Variants in RBBP5 observed in about 807,000 individuals in gnomAD.
RBBP5 encodes the protein RB binding protein 5, histone lysine methyltransferase complex subunit, also known as retinoblastoma-binding protein 5.
RBBP5 carries 5 observed loss-of-function variants against 72.2 expected under a neutral mutation model. The observed-to-expected ratio is 0.07, with a 90% confidence interval of 0.04 to 0.15. The LOEUF (loss-of-function observed/expected upper bound fraction) is 0.15, where lower values mean the gene tolerates loss of function less well. RBBP5 is among the 10% of genes least tolerant of loss of function. The probability of loss-of-function intolerance (pLI) is 1.00; values close to 1 mark genes in which losing one functional copy is unlikely to be tolerated. For synonymous variants in RBBP5, 209 were observed against 237.2 expected, an observed-to-expected ratio of 0.88 and a Z score of 1.09; for missense variants, 322 against 652.2, an observed-to-expected ratio of 0.49 and a Z score of 5.51.
chr1:205,113,841 T>C (rs989712070), intron 3 of RBBP5, among the ~76,000 whole-genome samples: 3 of 151,980 alleles, frequency 2.0e-5, no homozygotes, highest in Non-Finnish European at 4.4e-5. Context: ...CCCGCCAACA[T>C]GCCTGGCGAA....
chr1:205,105,290 G>A, intron 3 of RBBP5, 122 bp from the exon 4 acceptor site: 1 of 1,153,308 alleles, frequency 8.7e-7, no homozygotes, highest in South Asian at 1.6e-5. Flanking sequence ...TTTTGGTTTT[G>A]TTCCACGTAT....
At position 205,095,785 on chromosome 1, in the gene RBBP5, G is replaced by A. The variant is rs191188991; in HGVS notation, c.1397-721C>T. On this transcript the variant is annotated intron_variant, in intron 12 of 13. Coordinates refer to ENST00000264515, the MANE Select transcript of RBBP5 (RefSeq NM_005057.4). The stretch of plus-strand genomic sequence containing the variant: ...AGGTAAAACAACTTGCAGGGTTGAT[G>A]TAAAAGTCAGCAATGGTACATATAC... Among the ~76,000 whole-genome samples, 486 of 152,292 alleles carry A rather than the reference G, an allele frequency of 3.2e-3. 4 individuals carry two copies. Among genetic ancestry groups the A allele is most frequent in the Non-Finnish European group, 3.5e-3 (240 of 68,018 alleles).
At chr1:205,120,377 C>T (rs1409226667) in intron 1 of RBBP5, among the ~76,000 whole-genome samples, 3 of 152,152 alleles carry the variant, frequency 2.0e-5, no homozygotes, top group Non-Finnish European at 2.9e-5. Flanking sequence ...TAGATGGCAC[C>T]GATCCCATCC....
rs370574756 is a variant in RBBP5 at position 205,114,818 on chromosome 1, A to G, written c.189T>C (p.Ser63=). Reference sequence around the variant, plus strand: ...AAGAACACACTGGATGGATGTGTGCACTAATTATTTTAGCAATGCCTCTTG... The same window carrying G: ...AAGAACACACTGGATGGATGTGTGCGCTAATTATTTTAGCAATGCCTCTTG... ...FLTRGIAKII[S]AHIHPVCSLC... The change falls in exon 3 of 14, where the codon AGT becomes AGC. Residue 63 remains serine (S), a synonymous_variant. Transcript: ENST00000264515. 14 of 1,552,510 alleles carry G rather than the reference A, an allele frequency of 9.0e-6. No individual in the cohort carries two copies. In the African/African-American group the frequency reaches 1.9e-4, roughly 21 times the overall value.
intron 13 of RBBP5, among the ~76,000 whole-genome samples, chr1:205,093,527 TATATATACACACAC>T (rs1655478495): frequency 1.0e-4 from 1 of 9,826 alleles, no homozygotes; most frequent in African/African-American, 5.3e-4. Flanking sequence ...TATATATATA[TATATATACACACAC>T]ACACACACAC....
intron 1 of RBBP5, 186 bp from the exon 2 acceptor site, chr1:205,116,069 C>A: frequency 1.6e-6 from 2 of 1,215,958 alleles, no homozygotes; most frequent in Non-Finnish European, 2.3e-6. Context: ...CTCATTATCT[C>A]GGAAATATAC....
chr1:205,120,039 A>T (rs1385559461), intron 1 of RBBP5, among the ~76,000 whole-genome samples: 2 of 152,120 alleles, frequency 1.3e-5, no homozygotes, highest in Non-Finnish European at 2.9e-5. Flanking sequence ...CTTACACTTT[A>T]TCAACAGCAT....
Position 205,096,683 on chromosome 1 carries a change from A to G in RBBP5, c.1395T>C (p.Asp465=), listed in dbSNP as rs2102272214. 6.2e-7 allele frequency: 1 copy of G among 1,613,464 alleles called. No individual in the cohort carries two copies. Among genetic ancestry groups the G allele is most frequent in the South Asian group, 1.1e-5 (1 of 90,998 alleles). ...AGAGGGAGAAGATGTAGCTCTTACCATCATTTGGTACTCCTTGAAGTTCTA... is the reference window on the plus strand; with the variant it reads ...AGAGGGAGAAGATGTAGCTCTTACCGTCATTTGGTACTCCTTGAAGTTCTA... The part of the protein sequence containing the change: ...TNIELQGVPN[D]EVHPLLGVKG... Residue 465 remains aspartate (D), a splice_region_variant and synonymous_variant, in exon 12 of 14, where the codon GAT becomes GAC. Transcript: ENST00000264515.
At chr1:205,097,607 A>G (rs541888272) in intron 10 of RBBP5, among the ~76,000 whole-genome samples, 1 of 152,348 alleles carries the variant, frequency 6.6e-6, no homozygotes, top group South Asian at 2.1e-4. Flanking sequence ...AGTTGGGAAC[A>G]GCTCTTCAGT....
At chr1:205,108,035 G>C (rs1045940098) in intron 3 of RBBP5, among the ~76,000 whole-genome samples, 1 of 150,814 alleles carries the variant, frequency 6.6e-6, no homozygotes, top group Non-Finnish European at 1.5e-5. Flanking sequence ...ATGAGGTCAA[G>C]AGATCGAGAC....
chr1:205,096,578 T>C, intron 12 of RBBP5, 104 bp downstream of exon 12: 2 of 1,048,418 alleles, frequency 1.9e-6, no homozygotes, highest in East Asian at 2.4e-5. Flanking sequence ...CATGGGAAAA[T>C]TCCTCTAAGG....
chr1:205,106,862 A>C (rs1478442523), intron 3 of RBBP5, among the ~76,000 whole-genome samples: 5 of 152,194 alleles, frequency 3.3e-5, no homozygotes, highest in Non-Finnish European at 7.3e-5. Flanking sequence ...CTTAGCAAAG[A>C]AACAGAAGAT....
intron 1 of RBBP5, among the ~76,000 whole-genome samples, chr1:205,119,666 C>G (rs1320924530): frequency 3.9e-5 from 6 of 152,204 alleles, no homozygotes; most frequent in Non-Finnish European, 7.3e-5. Context: ...ATTCTCAGCC[C>G]TCAGACTCAA....
intron 3 of RBBP5, among the ~76,000 whole-genome samples, chr1:205,108,888 C>A (rs73081255): frequency 0.1 from 15,380 of 152,104 alleles, 1,427 homozygotes; most frequent in African/African-American, 0.24. Flanking sequence ...TTAATACATA[C>A]AGAATTCTTG....
At chr1:205,114,368 C>G (rs758369250) in intron 3 of RBBP5, among the ~76,000 whole-genome samples, 5 of 152,114 alleles carry the variant, frequency 3.3e-5, no homozygotes, top group Non-Finnish European at 7.3e-5. Context: ...TTCTATAAAG[C>G]CTTAATAACT....
rs779834337 is a variant in RBBP5, at chr1:205,114,973, AAC to A, written c.46-14_46-13del. 1.0e-5 allele frequency: 16 copies of A among 1,577,976 alleles called. No homozygotes were observed. In the South Asian group the frequency reaches 1.7e-4, roughly 17 times the overall value. On this transcript the variant is annotated splice_polypyrimidine_tract_variant and intron_variant, in intron 2 of 13. Transcript: ENST00000264515. ...GTTCCATCAGCTTCCTAAAAATTGAAACAAATACAAGAATAGAGGCAACAATA... is the reference window on the plus strand; with the variant it reads ...GTTCCATCAGCTTCCTAAAAATTGAAAAATACAAGAATAGAGGCAACAATA...
In RBBP5 at chr1:205,088,074, A is replaced by G. The variant is rs1655200674; in HGVS notation, c.*713T>C. ...TTGCTGGAGATGGATAAAACTAGCT[A>G]TCTTCAAAAACCATGATTGATGACA... is the stretch of plus-strand genomic sequence containing the variant. On this transcript the variant is annotated 3_prime_UTR_variant, in exon 14 of 14. Coordinates refer to ENST00000264515, the MANE Select transcript of RBBP5 (RefSeq NM_005057.4). The G allele has an allele frequency of 6.6e-6, 1 of 152,236 alleles. No homozygotes were observed. Among genetic ancestry groups the G allele is most frequent in the South Asian group, 2.1e-4 (1 of 4,838 alleles). The allele number at this position is 152,236 out of a possible 1,614,324, so 9.4% of individuals were successfully genotyped here.
At chr1:205,111,029 A>G (rs1162652711) in intron 3 of RBBP5, among the ~76,000 whole-genome samples, 1 of 152,210 alleles carries the variant, frequency 6.6e-6, no homozygotes, top group Non-Finnish European at 1.5e-5. Context: ...GTGCCACTGC[A>G]CTCCAGCCTG....
Position 205,099,359 on chromosome 1 carries a change from G to A in RBBP5, c.979-253C>T, listed in dbSNP as rs1655734716. ...CTTCTTTGGTCATTTTAGGAATTTA[G>A]AGGTAAAATGTTAAATTTTCTTGTA... On this transcript the variant is annotated intron_variant, in intron 9 of 13. Transcript: ENST00000264515. The surrounding 1 kb of genome is among the most constrained non-coding windows in gnomAD (Gnocchi z 4.7). 6.6e-6 allele frequency among the ~76,000 whole-genome samples: 1 copy of A among 152,168 alleles called. No individual in the cohort carries two copies. Among genetic ancestry groups the A allele is most frequent in the South Asian group, 2.1e-4 (1 of 4,822 alleles).
Sources: gnomAD v4.1 joint callset for allele counts (sites outside exome capture counted in the v4.1 genomes callset) on GRCh38, gnomAD v4.1.1 for gene constraint, Gnocchi (gnomAD v3.1) non-coding constraint, MANE v1.5 for transcripts, NCBI Gene and HGNC (gene_info 2026-07-23, HGNC 2026-07-21) for gene names.